Variants in AQP7 observed in about 807,000 individuals in gnomAD.
AQP7 encodes aquaporin-7.
A neutral mutation model predicts 26.1 loss-of-function variants in AQP7; 22 were observed. The observed-to-expected ratio is 0.84, with a 90% CI of 0.60 to 1.20. The LOEUF is 1.20. Ranked by LOEUF, AQP7 falls within the 50% of genes most tolerant of loss-of-function variation. The probability of loss-of-function intolerance (pLI) is 0.00; values close to 1 mark genes in which losing one functional copy is unlikely to be tolerated. For missense variants in AQP7, 412 were observed against 457.5 expected (o/e 0.90, Z 0.91); for synonymous variants, 167 against 181.7 (o/e 0.92, Z 0.65).
intron 2 of AQP7, among the ~76,000 whole-genome samples, chr9:33,398,862 C>T (rs1323923657): frequency 6.6e-6 from 1 of 152,106 alleles, no homozygotes; most frequent in African/African-American, 2.4e-5. Context: ...AGAAAGCCAG[C>T]CTACAAAGCA....
At chr9:33,398,719 G>C (rs574902387) in intron 2 of AQP7, among the ~76,000 whole-genome samples, 197 of 152,260 alleles carry the variant, frequency 1.3e-3, no homozygotes, top group Non-Finnish European at 2.1e-3. Context: ...GGGATGGCCA[G>C]TGAGGAGGCA....
intron 2 of AQP7, among the ~76,000 whole-genome samples, chr9:33,398,432 G>A (rs1489273447): frequency 1.3e-5 from 2 of 152,104 alleles, no homozygotes; most frequent in African/African-American, 4.8e-5. Context: ...TGGAGTGGAG[G>A]CAGGGTGAGC....
chr9:33,395,061 G>A lies in AQP7; in HGVS notation c.144+17C>T, dbSNP rs773993278. 6.2e-7 allele frequency: 1 copy of A among 1,604,556 alleles called. No homozygotes were observed. Among genetic ancestry groups the A allele is most frequent in the South Asian group, 1.1e-5 (1 of 90,892 alleles). On this transcript the variant is annotated intron_variant, in intron 3 of 7. Coordinates refer to ENST00000297988, the MANE Select transcript of AQP7 (RefSeq NM_001170.3). ...CCTGGCGGAGCCCCACCCACTTCGT[G>A]CTGCCCACCCACTCACCATCATGAC...
rs762090573 is a variant in AQP7, at chr9:33,386,109, G to T, written c.493C>A (p.His165Asn). ...AGGAAGCCCCGCCACAATGTCATGTGATCAGGAAGGTAGGTGGCAAAAATG... is the reference window on the plus strand; with the variant it reads ...AGGAAGCCCCGCCACAATGTCATGTTATCAGGAAGGTAGGTGGCAAAAATG... ...AGIFATYLPD[H>N]MTLWRGFLNE... Residue 165 changes from histidine (H) to asparagine (N), a missense_variant, in exon 6 of 8, where the codon CAC becomes AAC. Physicochemically the swap from His to Asn is moderately conservative, Grantham distance 68. Coordinates refer to ENST00000297988, the MANE Select transcript of AQP7 (RefSeq NM_001170.3). The T allele has an allele frequency of 4.3e-6, 7 of 1,613,866 alleles. No individual in the cohort carries two copies. Among genetic ancestry groups the T allele is most frequent in the Non-Finnish European group, 2.5e-6 (3 of 1,179,862 alleles).
intron 2 of AQP7, chr9:33,395,467 T>G (rs2381008): frequency 4.6e-6 from 2 of 435,108 alleles, no homozygotes; most frequent in East Asian, 8.7e-5. Context: ...ACTTTGCAGA[T>G]GGGCGGGTGG....
At chr9:33,385,609 C>A in intron 7 of AQP7, 40 bp downstream of exon 7, 1 of 1,608,270 alleles carries the variant, frequency 6.2e-7, no homozygotes, top group Non-Finnish European at 8.5e-7. Context: ...AGGGGACCCA[C>A]AGAAAAACTC....
rs904642382 is a variant in AQP7 at position 33,385,809 on chromosome 9, T to G, written c.583A>C (p.Asn195His). The part of the protein sequence containing the change: ...CLFAITDQEN[N>H]PALPGTEALV... ...GCCTCTGTTCCTGGCAGTGCTGGGTTGTTCTCCTGGTCCGTGATGGCGAAG... is the reference window on the plus strand; with the variant it reads ...GCCTCTGTTCCTGGCAGTGCTGGGTGGTTCTCCTGGTCCGTGATGGCGAAG... Residue 195 changes from asparagine (N) to histidine (H), a missense_variant, in exon 7 of 8, where the codon AAC (asparagine) becomes CAC (histidine). Asn to His is a moderately conservative substitution (Grantham distance 68). Transcript: ENST00000297988. The G allele has an allele frequency of 6.2e-6, 10 of 1,612,720 alleles. No individual in the cohort carries two copies. The highest frequency in any genetic ancestry group is 7.6e-6 in the Non-Finnish European group (9 of 1,179,876).
At chr9:33,401,318 G>A (rs369950353) in intron 1 of AQP7, 31 bp from the exon 2 acceptor site, 8 of 1,527,362 alleles carry the variant, frequency 5.2e-6, no homozygotes, top group South Asian at 2.4e-5. Context: ...CACTAGGGCT[G>A]GAGGACACAG....
chr9:33,386,077 C>G lies in AQP7; in HGVS notation c.525G>C (p.Glu175Asp). The change falls in exon 6 of 8, where the codon GAG becomes GAC. Residue 175 changes from glutamate (E) to aspartate (D), a missense_variant and splice_region_variant. Transcript: ENST00000297988. ...GGGATACTCATCCTCGACCACTGAC[C>G]TCATTCAGGAAGCCCCGCCACAATG... ...HMTLWRGFLN[E>D]AWLTGMLQLC... The G allele has an allele frequency of 6.2e-7, 1 of 1,613,038 alleles. No homozygotes were observed. The highest frequency in any genetic ancestry group is 8.5e-7 in the Non-Finnish European group (1 of 1,179,850).
chr9:33,387,028 A>C lies in AQP7; in HGVS notation c.209T>G (p.Val70Gly). ...LNKKYGSYLGVNLGFGFGVTM... is the reference protein window; with the variant it reads ...LNKKYGSYLGGNLGFGFGVTM... ...GACTCCGAAGCCAAAACCCAAGTTG[A>C]CACCAAGGTAGCTCCCATATTTTTT... The change falls in exon 4 of 8, where the codon GTC becomes GGC. Residue 70 changes from valine to glycine, a missense_variant. Physicochemically the swap from Val to Gly is moderately radical, Grantham distance 109 (BLOSUM62 -3). Transcript: ENST00000297988. 1 of 1,611,996 alleles carries C rather than the reference A, an allele frequency of 6.2e-7. No individual in the cohort carries two copies. Among genetic ancestry groups the C allele is most frequent in the Non-Finnish European group, 8.5e-7 (1 of 1,179,824 alleles).
At position 33,385,229 on chromosome 9, in the gene AQP7, C is replaced by T. The variant is rs753896238; in HGVS notation, c.805G>A (p.Gly269Ser). The change falls in exon 8 of 8, where the codon GGC (glycine) becomes AGC (serine). Residue 269 changes from glycine to serine, a missense_variant. Coordinates refer to ENST00000297988, the MANE Select transcript of AQP7 (RefSeq NM_001170.3). ...CCAATGAAGACCAGGTAGATGATGC[C>T]ACCTAGATAGGCACCCAGAAGTGGT... ...VAPLLGAYLG[G>S]IIYLVFIGST... 3.1e-6 allele frequency: 5 copies of T among 1,611,736 alleles called. No individual in the cohort carries two copies. Among genetic ancestry groups the T allele is most frequent in the African/African-American group, 1.3e-5 (1 of 74,824 alleles).
At chr9:33,398,811 G>A (rs1004207789) in intron 2 of AQP7, among the ~76,000 whole-genome samples, 4 of 152,124 alleles carry the variant, frequency 2.6e-5, no homozygotes, top group African/African-American at 9.6e-5. Context: ...GCATAGATGA[G>A]AGAGCTCAAG....
chr9:33,400,502 C>A (rs1826187739), intron 2 of AQP7, among the ~76,000 whole-genome samples: 1 of 152,100 alleles, frequency 6.6e-6, no homozygotes, highest in African/African-American at 2.4e-5. Flanking sequence ...CAGTGTGAGG[C>A]CAGGTGCAGT....
intron 3 of AQP7, among the ~76,000 whole-genome samples, chr9:33,390,107 A>G (rs1052989132): frequency 1.3e-5 from 2 of 151,952 alleles, no homozygotes; most frequent in Admixed American, 6.6e-5. Context: ...AACTCGCCTG[A>G]GGAGCGGGGG....
chr9:33,401,243 T>A lies in AQP7; in HGVS notation c.20A>T (p.His7Leu). 6.5e-7 allele frequency: 1 copy of A among 1,549,338 alleles called. No homozygotes were observed. Among genetic ancestry groups the A allele is most frequent in the African/African-American group, 1.4e-5 (1 of 73,050 alleles). Residue 7 changes from histidine to leucine, a missense_variant, in exon 2 of 8, where the codon CAC (histidine) becomes CTC (leucine). Transcript: ENST00000297988. ...AAGAGGGTGGGGTACTTACCGCCTGTGCCCGGATGCTTGAACCATGTTTTG... is the reference window on the plus strand; with the variant it reads ...AAGAGGGTGGGGTACTTACCGCCTGAGCCCGGATGCTTGAACCATGTTTTG... MVQASG[H>L]RRSTRGSKMV...
chr9:33,399,494 G>C (rs1435267684), intron 2 of AQP7, among the ~76,000 whole-genome samples: 1 of 151,882 alleles, frequency 6.6e-6, no homozygotes. Context: ...GCTGGGGGGG[G>C]AGGGGCTGAG....
chr9:33,400,224 T>TAATA (rs1826161572), intron 2 of AQP7, among the ~76,000 whole-genome samples: 2 of 152,254 alleles, frequency 1.3e-5, no homozygotes, highest in Admixed American at 1.3e-4. Flanking sequence ...CAATGAAATG[T>TAATA]AATAAGTAAG....
In AQP7 at chr9:33,383,836, C is replaced by T. The variant is rs1587075246; in HGVS notation, c.*1169G>A. The T allele has an allele frequency of 6.6e-6, 1 of 152,214 alleles. No individual in the cohort carries two copies. The highest frequency in any genetic ancestry group is 6.5e-5 in the Admixed American group (1 of 15,268). The allele number at this position is 152,214 out of a possible 1,614,324, so 9.4% of individuals were successfully genotyped here. A position where few individuals can be genotyped will look rare whatever the true frequency, so the allele number is the denominator to read the frequency against. ...TCTGTCTCCTCCTCTGGGAAGCCTC[C>T]TGGCCTTGGCCCAGAGGCTGGATGT... On this transcript the variant is annotated 3_prime_UTR_variant, in exon 8 of 8. Coordinates refer to ENST00000297988, the MANE Select transcript of AQP7 (RefSeq NM_001170.3).
chr9:33,391,645 A>G (rs1825418021), intron 3 of AQP7: 1 of 160,306 alleles, frequency 6.2e-6, no homozygotes, highest in Non-Finnish European at 1.4e-5. Context: ...CCAAGGTCAC[A>G]CTAGCTTTTT....
Sources: allele counts gnomAD v4.1 joint callset (sites outside exome capture counted in the v4.1 genomes callset), GRCh38; gene constraint gnomAD v4.1.1; transcripts MANE v1.5; gene names NCBI Gene and HGNC (gene_info 2026-07-23, HGNC 2026-07-21).